Variants in DYNC2I2 observed in about 807,000 individuals in gnomAD.
DYNC2I2 encodes cytoplasmic dynein 2 intermediate chain 2.
Under a neutral mutation model 52.0 loss-of-function variants are expected in DYNC2I2, and 39 were observed. The ratio of observed to expected loss-of-function variants is 0.75; its 90% confidence interval spans 0.58 to 0.98. DYNC2I2 has a LOEUF of 0.98. DYNC2I2 is among the 50% of genes least tolerant of loss of function. The probability of loss-of-function intolerance (pLI) is 0.00; values close to 1 mark genes in which losing one functional copy is unlikely to be tolerated. For missense variants in DYNC2I2, 743 were observed against 728.4 expected, an observed-to-expected ratio of 1.02 and a Z score of -0.23; for synonymous variants, 359 against 321.1, an observed-to-expected ratio of 1.12 and a Z score of -1.26.
chr9:128,666,243 A>G, the DYNC2I2 span, among the ~76,000 whole-genome samples: 2 of 151,608 alleles, frequency 1.3e-5, no homozygotes, highest in Non-Finnish European at 2.9e-5. Context: ...GGGCGTGGGC[A>G]TGGTGGTGGG....
At chr9:128,639,496 G>A (rs1036778225) in intron 2 of DYNC2I2, among the ~76,000 whole-genome samples, 2 of 152,096 alleles carry the variant, frequency 1.3e-5, no homozygotes, top group African/African-American at 2.4e-5. Flanking sequence ...TCATGACTCT[G>A]GACTGTACTT....
the DYNC2I2 span, among the ~76,000 whole-genome samples, chr9:128,669,099 C>T: frequency 6.6e-6 from 1 of 152,194 alleles, no homozygotes; most frequent in East Asian, 1.9e-4. Flanking sequence ...GGTGTGGTGG[C>T]TCACACCTGT....
the DYNC2I2 span, chr9:128,683,581 T>C: frequency 6.9e-6 from 2 of 288,072 alleles, no homozygotes; most frequent in East Asian, 1.1e-4. Flanking sequence ...GGGTTTCACG[T>C]GAAACCAGGA....
At chr9:128,680,048 C>T in the DYNC2I2 span, among the ~76,000 whole-genome samples, 4 of 151,630 alleles carry the variant, frequency 2.6e-5, no homozygotes, top group African/African-American at 9.7e-5. Context: ...TGTTTTAGTA[C>T]TTTATTTCTT....
chr9:128,638,335 G>A (rs897400811), intron 2 of DYNC2I2, among the ~76,000 whole-genome samples: 4 of 151,940 alleles, frequency 2.6e-5, no homozygotes, highest in African/African-American at 9.7e-5. Context: ...TGGCCAACAT[G>A]GTGAAACCCA....
At chr9:128,634,411 G>A (rs1047323002) in intron 7 of DYNC2I2, 28 bp from the exon 8 acceptor site, 2 of 1,555,548 alleles carry the variant, frequency 1.3e-6, no homozygotes, top group Non-Finnish European at 1.7e-6. Flanking sequence ...GGCCAGGCAA[G>A]GGAATCAGTG....
intron 2 of DYNC2I2, among the ~76,000 whole-genome samples, chr9:128,637,722 C>A (rs190699837): frequency 6.6e-6 from 1 of 152,334 alleles, no homozygotes; most frequent in African/African-American, 2.4e-5. Flanking sequence ...AGATGACAGG[C>A]ATGAGCTGCT....
At chr9:128,649,561 C>T (rs1004514898) in intron 1 of DYNC2I2, among the ~76,000 whole-genome samples, 3 of 151,196 alleles carry the variant, frequency 2.0e-5, no homozygotes, top group East Asian at 3.9e-4. Flanking sequence ...TAGTGGGACG[C>T]GCCTGTAATT....
chr9:128,655,967 G>A (rs1452181518), intron 1 of DYNC2I2, among the ~76,000 whole-genome samples: 1 of 150,454 alleles, frequency 6.6e-6, no homozygotes, highest in Non-Finnish European at 1.5e-5. Flanking sequence ...CAGCACTTTG[G>A]GAGGCCGAGG....
chr9:128,643,667 T>C (rs1176759297), intron 1 of DYNC2I2, among the ~76,000 whole-genome samples: 1 of 152,200 alleles, frequency 6.6e-6, no homozygotes, highest in Non-Finnish European at 1.5e-5. Flanking sequence ...CACTCCAGCC[T>C]GGGCAACAGA....
intron 1 of DYNC2I2, among the ~76,000 whole-genome samples, chr9:128,642,283 T>C (rs1185692923): frequency 1.6e-4 from 9 of 56,600 alleles, no homozygotes; most frequent in Admixed American, 6.7e-4. Flanking sequence ...CAAGACTCCG[T>C]CTCAAAAAAA....
At chr9:128,634,017 A>ACTC (rs781138053) in intron 8 of DYNC2I2, 35 bp from the exon 9 acceptor site, 3 of 1,607,514 alleles carry the variant, frequency 1.9e-6, no homozygotes, top group Non-Finnish European at 1.7e-6. Context: ...AGTAAGAGAA[A>ACTC]CTCTAGAGAC....
the DYNC2I2 span, among the ~76,000 whole-genome samples, chr9:128,670,222 G>A: frequency 6.6e-6 from 1 of 151,882 alleles, no homozygotes; most frequent in Admixed American, 6.6e-5. Context: ...GCGGATCACC[G>A]GAAGTCAGGA....
At position 128,652,432 on chromosome 9, in the gene DYNC2I2, CAAAAAAAA is replaced by C. The variant is rs59498068; in HGVS notation, c.186+4101_186+4108del. Among the ~76,000 whole-genome samples the C allele has an allele frequency of 1.1e-3, 104 of 92,880 alleles. 2 individuals are homozygous for C. The highest frequency in any genetic ancestry group is 8.2e-3 in the East Asian group (28 of 3,412). The allele number at this position is 92,880 out of a possible 152,430, so 60.9% of individuals were successfully genotyped here. ...GGGGAACAAGAGCGAAACTTCATCT[CAAAAAAAA>C]AAAAAAAAAAAGAAAGAAAGAAAGT... On this transcript the variant is annotated intron_variant, in intron 1 of 8. Transcript: ENST00000372715.
the DYNC2I2 span, among the ~76,000 whole-genome samples, chr9:128,669,384 A>T: frequency 2.0e-5 from 3 of 151,852 alleles, no homozygotes; most frequent in Admixed American, 6.6e-5. Context: ...TAAGAAATTA[A>T]AAAAAATTTT....
At chr9:128,677,668 G>A in the DYNC2I2 span, among the ~76,000 whole-genome samples, 6 of 151,534 alleles carry the variant, frequency 4.0e-5, no homozygotes, top group East Asian at 1.9e-4. Flanking sequence ...TTAGCTCGGC[G>A]TGCTGGCAGG....
chr9:128,674,285 C>T, the DYNC2I2 span, among the ~76,000 whole-genome samples: 7 of 152,052 alleles, frequency 4.6e-5, no homozygotes, highest in Admixed American at 3.3e-4. Flanking sequence ...CAGGCGCCCG[C>T]CACCACACCC....
chr9:128,676,346 C>A, the DYNC2I2 span, among the ~76,000 whole-genome samples: 1 of 151,730 alleles, frequency 6.6e-6, no homozygotes, highest in East Asian at 2.0e-4. Flanking sequence ...AAAAAGTAGC[C>A]GGGCATGATA....
chr9:128,676,262 G>T, the DYNC2I2 span, among the ~76,000 whole-genome samples: 1 of 152,070 alleles, frequency 6.6e-6, no homozygotes, highest in Non-Finnish European at 1.5e-5. Flanking sequence ...GGCCAAGGTG[G>T]GTGGATCATC....
Sources: allele counts gnomAD v4.1 joint callset (sites outside exome capture counted in the v4.1 genomes callset), GRCh38; gene constraint gnomAD v4.1.1; transcripts MANE v1.5; gene names NCBI Gene and HGNC (gene_info 2026-07-23, HGNC 2026-07-21).